The following SYT14 variants were observed in gnomAD, a reference collection of about 807,000 sequenced individuals.
SYT14 encodes the protein synaptotagmin 14.
SYT14 carries 32 observed loss-of-function variants against 74.2 expected under a neutral mutation model. The observed-to-expected ratio is 0.43, with a 90% CI of 0.33 to 0.58. The LOEUF is 0.58. Ranked by LOEUF, SYT14 falls within the 20% of genes least tolerant of loss-of-function variation. The pLI, the probability that SYT14 is intolerant of heterozygous loss-of-function variation, is 0.05. For synonymous variants in SYT14, 298 were observed against 337.7 expected (o/e 0.88, Z 1.29); for missense variants, 791 against 981.8 (o/e 0.81, Z 2.60).
intron 7 of SYT14, among the ~76,000 whole-genome samples, chr1:210,105,668 C>A (rs2082144948): frequency 6.6e-6 from 1 of 152,220 alleles, no homozygotes. Flanking sequence ...CCCTCCAAAT[C>A]TCATGTTGAA....
intron 2 of SYT14, among the ~76,000 whole-genome samples, chr1:209,982,083 C>T (rs2079497195): frequency 6.6e-6 from 1 of 152,044 alleles, no homozygotes; most frequent in South Asian, 2.1e-4. Context: ...TACTTTTTCT[C>T]AAGAATGCCA....
chr1:209,955,932 A>G (rs1300572895), intron 2 of SYT14, among the ~76,000 whole-genome samples: 1 of 152,178 alleles, frequency 6.6e-6, no homozygotes, highest in Admixed American at 6.5e-5. Context: ...TTGTGTTTCA[A>G]TTTTGGTTAA....
intron 5 of SYT14, among the ~76,000 whole-genome samples, chr1:210,037,390 A>C (rs2080688734): frequency 6.6e-6 from 1 of 151,842 alleles, no homozygotes; most frequent in Non-Finnish European, 1.5e-5. Flanking sequence ...TTTCATTTGC[A>C]TGATCCTTTG....
chr1:210,120,142 T>C (rs1383130310), intron 7 of SYT14, among the ~76,000 whole-genome samples: 1 of 152,068 alleles, frequency 6.6e-6, no homozygotes, highest in Non-Finnish European at 1.5e-5. Context: ...TAAATTACTT[T>C]TTTTTTTCTA....
chr1:210,150,567 G>A (rs182660323), intron 7 of SYT14, among the ~76,000 whole-genome samples: 36 of 152,240 alleles, frequency 2.4e-4, no homozygotes, highest in African/African-American at 7.2e-4. Context: ...CATCATTAGC[G>A]GCAGCTCTAA....
At chr1:210,051,062 A>G (rs997148725) in intron 5 of SYT14, among the ~76,000 whole-genome samples, 1 of 152,206 alleles carries the variant, frequency 6.6e-6, no homozygotes, top group African/African-American at 2.4e-5. Flanking sequence ...GATACCACGC[A>G]TTCAATCCAG....
At chr1:209,994,359 T>A (rs1490335510) in intron 2 of SYT14, among the ~76,000 whole-genome samples, 2 of 152,122 alleles carry the variant, frequency 1.3e-5, no homozygotes, top group Non-Finnish European at 2.9e-5. Context: ...TCAGAAGTAT[T>A]AACAGCAGAA....
intron 5 of SYT14, among the ~76,000 whole-genome samples, chr1:210,022,101 T>G (rs915591411): frequency 4.6e-5 from 7 of 152,212 alleles, no homozygotes; most frequent in Non-Finnish European, 7.3e-5. Flanking sequence ...TAGATATCAT[T>G]TTTATCATTA....
At chr1:210,015,229 G>C (rs941164991) in intron 3 of SYT14, among the ~76,000 whole-genome samples, 2 of 152,102 alleles carry the variant, frequency 1.3e-5, no homozygotes, top group African/African-American at 4.8e-5. Flanking sequence ...CATTCAATCT[G>C]TCATGTAGCC....
At chr1:210,169,321 GATAA>G (rs1426890237) in exon 10 of SYT14, 9 of 137,072 alleles carry the variant, frequency 6.6e-5, no homozygotes, top group Non-Finnish European at 9.1e-5. Flanking sequence ...AGTCTTTTTG[GATAA>G]ATATTGAGAA....
chr1:210,058,916 A>G (rs2081149311), intron 5 of SYT14, among the ~76,000 whole-genome samples: 1 of 152,026 alleles, frequency 6.6e-6, no homozygotes, highest in Non-Finnish European at 1.5e-5. Context: ...TTCCATGAAC[A>G]GAAGCTTAGC....
chr1:210,088,125 C>T (rs937895067), intron 5 of SYT14, among the ~76,000 whole-genome samples: 2 of 148,862 alleles, frequency 1.3e-5, no homozygotes, highest in African/African-American at 4.9e-5. Flanking sequence ...TTAATTTCTG[C>T]TCTTTATTAT....
chr1:210,121,938 A>G (rs1270008865), intron 7 of SYT14, among the ~76,000 whole-genome samples: 1 of 152,154 alleles, frequency 6.6e-6, no homozygotes, highest in African/African-American at 2.4e-5. Flanking sequence ...AAGCAGCTTA[A>G]ACCAGGCTAT....
intron 5 of SYT14, among the ~76,000 whole-genome samples, chr1:210,089,348 A>G (rs1255127808): frequency 1.3e-5 from 2 of 152,308 alleles, no homozygotes; most frequent in East Asian, 3.9e-4. Flanking sequence ...ATACATGTGC[A>G]TGTGTCTTTA....
intron 7 of SYT14, among the ~76,000 whole-genome samples, chr1:210,110,094 A>T (rs1284496407): frequency 6.6e-6 from 1 of 152,134 alleles, no homozygotes; most frequent in Non-Finnish European, 1.5e-5. Flanking sequence ...AGGGAGGGGA[A>T]CATCACACAC....
chr1:210,053,929 G>A lies in SYT14; in HGVS notation c.1312+32675G>A, dbSNP rs144835465. On this transcript the variant is annotated intron_variant, in intron 5 of 9. Transcript: ENST00000637265. The stretch of plus-strand genomic sequence containing the variant: ...GTATAGCAAGTGAGCTTTTTGAGAT[G>A]CTGCACATTTGAAAATCTCTTTATT... Among the ~76,000 whole-genome samples the A allele has an allele frequency of 2.9e-3, 436 of 152,164 alleles. 3 individuals are homozygous for A. Among genetic ancestry groups the A allele is most frequent in the African/African-American group, 9.6e-3 (400 of 41,516 alleles).
chr1:209,939,519 A>C (rs966911850), intron 1 of SYT14, among the ~76,000 whole-genome samples: 1 of 152,198 alleles, frequency 6.6e-6, no homozygotes, highest in African/African-American at 2.4e-5. Context: ...GACAGTTTCA[A>C]ATGTCTGCTT....
intron 2 of SYT14, among the ~76,000 whole-genome samples, chr1:209,980,315 T>A (rs2079459734): frequency 6.6e-6 from 1 of 152,176 alleles, no homozygotes; most frequent in South Asian, 2.1e-4. Flanking sequence ...TCTTGTAAAT[T>A]TGTTTAAGTT....
chr1:210,027,373 C>T (rs1298070707), intron 5 of SYT14, among the ~76,000 whole-genome samples: 1 of 149,664 alleles, frequency 6.7e-6, no homozygotes, highest in Non-Finnish European at 1.5e-5. Context: ...TGTGATCATG[C>T]AACTACACTC....
Sources: allele counts gnomAD v4.1 joint callset (sites outside exome capture counted in the v4.1 genomes callset), GRCh38; gene constraint gnomAD v4.1.1; transcripts MANE v1.5; gene names NCBI Gene and HGNC (gene_info 2026-07-23, HGNC 2026-07-21).